Variants in USP54 observed in about 807,000 individuals in gnomAD.
USP54 encodes ubiquitin specific peptidase 54, also known as ubiquitin carboxyl-terminal hydrolase 54.
A neutral mutation model predicts 170.5 loss-of-function variants in USP54; 87 were observed. The ratio of observed to expected loss-of-function variants is 0.51; its 90% CI spans 0.43 to 0.61. USP54 has a LOEUF of 0.61. USP54 is among the 20% of genes least tolerant of loss of function. The pLI is 0.00. For synonymous variants in USP54, 655 were observed against 742.8 expected, an observed-to-expected ratio of 0.88 and a Z score of 1.92; for missense variants, 1,786 against 2,047.8, an observed-to-expected ratio of 0.87 and a Z score of 2.47.
At chr10:73,578,185 A>G (rs1275567424) in intron 1 of USP54, among the ~76,000 whole-genome samples, 1 of 152,184 alleles carries the variant, frequency 6.6e-6, no homozygotes, top group Admixed American at 6.5e-5. Flanking sequence ...CCTGTTCTAG[A>G]TGTGTCACCA....
intron 20 of USP54, among the ~76,000 whole-genome samples, chr10:73,509,617 TAA>T (rs757858956): frequency 1.4e-5 from 2 of 140,492 alleles, no homozygotes; most frequent in Non-Finnish European, 1.6e-5. Context: ...TCCGTCTCAT[TAA>T]AAAAAAAAAA....
In USP54 at chr10:73,500,665, A is replaced by G. The variant is rs779824117; in HGVS notation, c.4485T>C (p.Asn1495=). 13 of 1,598,602 alleles carry G rather than the reference A, an allele frequency of 8.1e-6. No individual in the cohort carries two copies. Among genetic ancestry groups the G allele is most frequent in the Non-Finnish European group, 1.1e-5 (13 of 1,174,148 alleles). Residue 1495 remains asparagine, a synonymous_variant, in exon 23 of 24, where the codon AAT becomes AAC. Coordinates refer to ENST00000687698, the MANE Select transcript of USP54 (RefSeq NM_001391956.1). The part of the protein sequence containing the change: ...VLMPTMAGEP[N]RLPGTSRSVQ... ...ATTTGGGGGAGTTACCTGGGAGTCTATTGGGCTCCCCTGCCATGGTGGGCA... is the reference window on the plus strand; with the variant it reads ...ATTTGGGGGAGTTACCTGGGAGTCTGTTGGGCTCCCCTGCCATGGTGGGCA...
intron 4 of USP54, among the ~76,000 whole-genome samples, chr10:73,568,789 A>G (rs999716702): frequency 6.6e-6 from 1 of 152,202 alleles, no homozygotes; most frequent in Non-Finnish European, 1.5e-5. Context: ...ATCCACCACA[A>G]GCAACTGTCT....
At chr10:73,569,902 CAAAAAAAAAAAAAAAAAAA>C (rs34676499) in intron 4 of USP54, among the ~76,000 whole-genome samples, 100 of 18,706 alleles carry the variant, frequency 5.3e-3, no homozygotes, top group Middle Eastern at 0.077. Context: ...ATTTCATCTC[CAAAAAAAAAAAAAAAAAAA>C]AAAAAAAAAA....
chr10:73,588,792 CA>C (rs1406398194), intron 1 of USP54, among the ~76,000 whole-genome samples: 1 of 152,188 alleles, frequency 6.6e-6, no homozygotes, highest in Non-Finnish European at 1.5e-5. Context: ...TGCACATGCC[CA>C]GTTACTTTGT....
intron 7 of USP54, among the ~76,000 whole-genome samples, chr10:73,542,125 G>A (rs962861504): frequency 2.0e-5 from 3 of 152,004 alleles, no homozygotes; most frequent in Non-Finnish European, 4.4e-5. Flanking sequence ...TTTGAGACAG[G>A]GTCTCGCTCT....
intron 1 of USP54, among the ~76,000 whole-genome samples, chr10:73,600,821 G>A (rs2079111167): frequency 6.6e-6 from 1 of 152,168 alleles, no homozygotes; most frequent in Non-Finnish European, 1.5e-5. Context: ...GGCCGAGGCA[G>A]GAGAATCGCT....
chr10:73,604,473 T>G (rs567949134), intron 1 of USP54, among the ~76,000 whole-genome samples: 7 of 152,204 alleles, frequency 4.6e-5, no homozygotes, highest in Admixed American at 4.6e-4. Context: ...AAGAGATAAC[T>G]TGCCAGGCAC....
intron 1 of USP54, among the ~76,000 whole-genome samples, chr10:73,598,401 A>G (rs2078899264): frequency 6.6e-6 from 1 of 152,240 alleles, no homozygotes; most frequent in Non-Finnish European, 1.5e-5. Flanking sequence ...AAACATAGAC[A>G]TAAATCTTCA....
At chr10:73,598,034 G>A (rs528985755) in intron 1 of USP54, among the ~76,000 whole-genome samples, 14 of 151,448 alleles carry the variant, frequency 9.2e-5, no homozygotes, top group Admixed American at 5.9e-4. Context: ...GCAGTGAGCC[G>A]AGATCACGCC....
Position 73,516,391 on chromosome 10 carries a change from G to A in USP54, c.4035C>T (p.His1345=). 6.2e-7 allele frequency: 1 copy of A among 1,611,488 alleles called. No individual in the cohort carries two copies. Among genetic ancestry groups the A allele is most frequent in the Non-Finnish European group, 8.5e-7 (1 of 1,178,844 alleles). ...CATTCTTACCTGTTTGGCTAAGTGG[G>A]TGCCAGGCGGTATCCTGCTGCCCCC... ...SGWGQQDTAW[H]PLSQTGSADG... Residue 1345 remains histidine, a synonymous_variant, in exon 20 of 24, where the codon CAC becomes CAT. Transcript: ENST00000687698.
intron 4 of USP54, among the ~76,000 whole-genome samples, chr10:73,568,404 C>A (rs2074317327): frequency 6.6e-6 from 1 of 152,160 alleles, no homozygotes; most frequent in Non-Finnish European, 1.5e-5. Context: ...AACTTCTTAA[C>A]TATTAAAATC....
chr10:73,541,586 C>A, intron 8 of USP54, 47 bp downstream of exon 8: 2 of 1,613,112 alleles, frequency 1.2e-6, no homozygotes, highest in South Asian at 2.2e-5. Flanking sequence ...TTCCACTGAT[C>A]GATGGTTCCC....
At chr10:73,563,317 T>G (rs1189171397) in intron 4 of USP54, among the ~76,000 whole-genome samples, 1 of 152,180 alleles carries the variant, frequency 6.6e-6, no homozygotes, top group Non-Finnish European at 1.5e-5. Flanking sequence ...AATTTACATT[T>G]CTTAGATTAC....
chr10:73,539,642 C>T lies in USP54; in HGVS notation c.826-49G>A, dbSNP rs574593141. On this transcript the variant is annotated intron_variant, in intron 9 of 23. Coordinates refer to ENST00000687698, the MANE Select transcript of USP54 (RefSeq NM_001391956.1). ...AAGCACAGTCACATATTCAACCATT[C>T]CACATCATCTCTCAGCAGACTCCAC... is the stretch of plus-strand genomic sequence containing the variant. The T allele has an allele frequency of 1.4e-5, 21 of 1,539,948 alleles. No homozygotes were observed. In the African/African-American group the frequency reaches 2.6e-4, roughly 19 times the overall value.
chr10:73,545,666 A>G lies in USP54; in HGVS notation c.247T>C (p.Phe83Leu). ...SCIFCALKGIFNQFQCSSEKV... is the reference protein window; with the variant it reads ...SCIFCALKGILNQFQCSSEKV... ...TCACTACTACACTGAAACTGGTTAAAGATTCCCTATAGGGAAGAGGTTAGA... is the reference window on the plus strand; with the variant it reads ...TCACTACTACACTGAAACTGGTTAAGGATTCCCTATAGGGAAGAGGTTAGA... Residue 83 changes from phenylalanine to leucine, a missense_variant, in exon 5 of 24, where the codon TTT becomes CTT. Coordinates refer to ENST00000687698, the MANE Select transcript of USP54 (RefSeq NM_001391956.1). 6.2e-7 allele frequency: 1 copy of G among 1,614,158 alleles called. No individual in the cohort carries two copies. The highest frequency in any genetic ancestry group is 8.5e-7 in the Non-Finnish European group (1 of 1,179,972).
intron 4 of USP54, among the ~76,000 whole-genome samples, chr10:73,549,981 T>C (rs576668374): frequency 6.6e-6 from 1 of 152,282 alleles, no homozygotes; most frequent in East Asian, 1.9e-4. Context: ...TGGAGTGCAA[T>C]GGTGTGATCT....
At chr10:73,518,248 G>A in intron 19 of USP54, 1 of 985,236 alleles carries the variant, frequency 1.0e-6, no homozygotes, top group Non-Finnish European at 1.2e-6. Context: ...ACAAAATACA[G>A]GGTGATTTGG....
At position 73,523,638 on chromosome 10, in the gene USP54, T is replaced by C; in HGVS notation, c.2307A>G (p.Lys769=). 1 of 1,613,630 alleles carries C rather than the reference T, an allele frequency of 6.2e-7. No homozygotes were observed. Among genetic ancestry groups the C allele is most frequent in the Non-Finnish European group, 8.5e-7 (1 of 1,179,606 alleles). Residue 769 remains lysine (K), a synonymous_variant, in exon 17 of 24, where the codon AAA becomes AAG. Coordinates refer to ENST00000687698, the MANE Select transcript of USP54 (RefSeq NM_001391956.1). ...RKREKELEAA[K]GFNPHPSRFM... is the part of the protein sequence containing the mutation. ...AGCGGCTAGGATGAGGGTTAAACCCTTTCGCTGCCTCTAACTCCTTCTCCC... is the reference window on the plus strand; with the variant it reads ...AGCGGCTAGGATGAGGGTTAAACCCCTTCGCTGCCTCTAACTCCTTCTCCC...
Sources: allele counts gnomAD v4.1 joint callset (sites outside exome capture counted in the v4.1 genomes callset), GRCh38; gene constraint gnomAD v4.1.1; transcripts MANE v1.5; gene names NCBI Gene and HGNC (gene_info 2026-07-23, HGNC 2026-07-21).